The following SLC25A17 variants were observed in gnomAD, a reference collection of about 807,000 sequenced individuals.
SLC25A17 encodes peroxisomal membrane protein PMP34.
In SLC25A17, 26 loss-of-function variants were observed where a neutral mutation model predicts 38.5. The observed-to-expected ratio is 0.68, with a 90% confidence interval of 0.50 to 0.94. SLC25A17 has a LOEUF of 0.94. SLC25A17 is among the 40% of genes least tolerant of loss of function. The pLI, the probability that SLC25A17 is intolerant of heterozygous loss-of-function variation, is 0.00. For synonymous variants in SLC25A17, 139 were observed against 136.2 expected (o/e 1.02, Z -0.14); for missense variants, 333 against 372.7 (o/e 0.89, Z 0.88).
chr22:40,798,977 GT>G, intron 2 of SLC25A17, 45 bp downstream of exon 2: 1 of 1,148,624 alleles, frequency 8.7e-7, no homozygotes, highest in South Asian at 1.3e-5. Context: ...TAGCGAAAAT[GT>G]TTGCTTCCTG....
chr22:40,781,462 G>GTCTCGA, intron 4 of SLC25A17, among the ~76,000 whole-genome samples: 1 of 152,092 alleles, frequency 6.6e-6, no homozygotes, highest in East Asian at 1.9e-4. Flanking sequence ...AGCCAGGATG[G>GTCTCGA]TCTCGATCTC....
At chr22:40,799,314 T>G (rs1189022411) in intron 1 of SLC25A17, among the ~76,000 whole-genome samples, 2 of 152,104 alleles carry the variant, frequency 1.3e-5, no homozygotes, top group African/African-American at 4.8e-5. Context: ...TTTTAAATTT[T>G]TCTGTAAAGA....
intron 1 of SLC25A17, among the ~76,000 whole-genome samples, chr22:40,801,062 C>A (rs2057476253): frequency 6.8e-6 from 1 of 147,280 alleles, no homozygotes; most frequent in Admixed American, 6.8e-5. Context: ...CGCGATCATG[C>A]CACTGCACTC....
intron 1 of SLC25A17, among the ~76,000 whole-genome samples, chr22:40,809,459 T>A (rs2145703162): frequency 9.2e-6 from 1 of 108,392 alleles, no homozygotes; most frequent in Non-Finnish European, 1.9e-5. Flanking sequence ...ACCCAGTCTC[T>A]ACAAAAAAAT....
chr22:40,777,353 G>C lies in SLC25A17; in HGVS notation c.472C>G (p.Arg158Gly), dbSNP rs139416009. Residue 158 changes from arginine to glycine, a missense_variant, in exon 6 of 9, where the codon CGC (arginine) becomes GGC (glycine). By Grantham distance (125) the Arg-to-Gly change is moderately radical (BLOSUM62 -2). Coordinates refer to ENST00000435456, the MANE Select transcript of SLC25A17 (RefSeq NM_006358.4). ...CATAAAGCCGAGATTCCTTCATCGC[G>C]AATGATCTGATGAAAAGCATCTAAG... Reference protein sequence around the residue: ...GIIDAFHQIIRDEGISALWNG... With the variant: ...GIIDAFHQIIGDEGISALWNG... 8.1e-5 allele frequency: 131 copies of C among 1,613,584 alleles called. No homozygotes were observed. The highest frequency in any genetic ancestry group is 1.1e-4 in the Non-Finnish European group (127 of 1,179,870).
intron 1 of SLC25A17, among the ~76,000 whole-genome samples, chr22:40,801,163 ATATATG>A (rs2057480442): frequency 8.0e-6 from 1 of 125,100 alleles, no homozygotes; most frequent in Non-Finnish European, 1.7e-5. Context: ...ATATATATAT[ATATATG>A]TAAATGATAA....
At chr22:40,813,916 A>G (rs1234437003) in intron 1 of SLC25A17, 2 of 152,594 alleles carry the variant, frequency 1.3e-5, no homozygotes, top group African/African-American at 4.8e-5. Context: ...ATTGCTATTT[A>G]GTAAAAAATA....
At chr22:40,804,327 C>CA (rs1213751024) in intron 1 of SLC25A17, among the ~76,000 whole-genome samples, 1 of 152,128 alleles carries the variant, frequency 6.6e-6, no homozygotes, top group Non-Finnish European at 1.5e-5. Flanking sequence ...CCTAGATGTG[C>CA]AAGGTCACTC....
intron 7 of SLC25A17, among the ~76,000 whole-genome samples, chr22:40,775,907 C>T (rs1175368263): frequency 6.6e-6 from 1 of 152,158 alleles, no homozygotes; most frequent in African/African-American, 2.4e-5. Context: ...TCAATTAAAC[C>T]TCTTTCCTTT....
intron 1 of SLC25A17, chr22:40,813,862 C>T (rs968104499): frequency 1.3e-5 from 2 of 152,364 alleles, no homozygotes; most frequent in Non-Finnish European, 2.9e-5. Context: ...AATTTTAGGG[C>T]CCTAAAAGGA....
intron 1 of SLC25A17, among the ~76,000 whole-genome samples, chr22:40,801,712 G>C (rs2057485634): frequency 1.3e-5 from 2 of 152,168 alleles, no homozygotes; most frequent in African/African-American, 4.8e-5. Flanking sequence ...AAGAAAAATG[G>C]GAGCTGGAAA....
intron 7 of SLC25A17, 75 bp downstream of exon 7, chr22:40,776,965 A>C (rs2057249335): frequency 8.1e-7 from 1 of 1,233,652 alleles, no homozygotes; most frequent in African/African-American, 1.5e-5. Flanking sequence ...TGCTTTATTA[A>C]CATTGTTTTA....
At chr22:40,792,498 C>T (rs1174138859) in intron 4 of SLC25A17, 27 bp downstream of exon 4, 1 of 1,554,032 alleles carries the variant, frequency 6.4e-7, no homozygotes, top group African/African-American at 1.4e-5. Context: ...AATATAAAAA[C>T]ATTTTATACC....
At chr22:40,803,865 T>A (rs2057505896) in intron 1 of SLC25A17, among the ~76,000 whole-genome samples, 1 of 151,802 alleles carries the variant, frequency 6.6e-6, no homozygotes, top group Non-Finnish European at 1.5e-5. Context: ...TGGCTCACCG[T>A]ATGCTACACA....
intron 1 of SLC25A17, among the ~76,000 whole-genome samples, chr22:40,809,919 A>C (rs2057563936): frequency 6.6e-6 from 1 of 152,166 alleles, no homozygotes; most frequent in African/African-American, 2.4e-5. Context: ...AAAAAGGTAA[A>C]TACCTCCAGG....
intron 1 of SLC25A17, among the ~76,000 whole-genome samples, chr22:40,802,411 G>A (rs1209041234): frequency 3.9e-5 from 6 of 152,026 alleles, no homozygotes; most frequent in Non-Finnish European, 8.8e-5. Context: ...TTGGGAAGCC[G>A]AGGCAGATGG....
chr22:40,812,002 C>T (rs1223394746), intron 1 of SLC25A17, among the ~76,000 whole-genome samples: 1 of 151,792 alleles, frequency 6.6e-6, no homozygotes, highest in Non-Finnish European at 1.5e-5. Flanking sequence ...TCTGAACTGA[C>T]ACCTGGATTT....
chr22:40,801,277 T>C (rs2057481998), intron 1 of SLC25A17, among the ~76,000 whole-genome samples: 1 of 151,478 alleles, frequency 6.6e-6, no homozygotes, highest in Non-Finnish European at 1.5e-5. Context: ...TACTCTAATA[T>C]TTGTATTCTT....
intron 8 of SLC25A17, among the ~76,000 whole-genome samples, chr22:40,771,284 GTATT>G (rs967807832): frequency 2.0e-5 from 3 of 151,798 alleles, no homozygotes; most frequent in Non-Finnish European, 4.4e-5. Flanking sequence ...ATTTTTTTTT[GTATT>G]TTTAGTGGAG....
Sources: gnomAD v4.1 joint callset for allele counts (sites outside exome capture counted in the v4.1 genomes callset) on GRCh38, gnomAD v4.1.1 for gene constraint, MANE v1.5 for transcripts, NCBI Gene and HGNC (gene_info 2026-07-23, HGNC 2026-07-21) for gene names.